The following THPO variants were observed in gnomAD, a reference collection of about 807,000 sequenced individuals.
THPO encodes the protein thrombopoietin.
In THPO, 12 loss-of-function variants were observed where a neutral mutation model predicts 17.0. The ratio of observed to expected loss-of-function variants is 0.71; its 90% CI spans 0.45 to 1.14. The LOEUF is 1.14. Ranked by LOEUF, THPO falls within the 50% of genes most tolerant of loss-of-function variation. The pLI is 0.00. For synonymous variants in THPO, 188 were observed against 183.0 expected (o/e 1.03, Z -0.22); for missense variants, 365 against 427.5 (o/e 0.85, Z 1.29).
chr3:184,375,551 A>G lies in THPO; in HGVS notation c.192T>C (p.Ala64=). 1 of 1,614,210 alleles carries G rather than the reference A, an allele frequency of 6.2e-7. No individual in the cohort carries two copies. The change falls in exon 4 of 6, where the codon GCT becomes GCC. Residue 64 remains alanine, a synonymous_variant. Coordinates refer to ENST00000647395, the MANE Select transcript of THPO (RefSeq NM_000460.4). ...TCCATTCTCCCAAGCTAAAGTCCAC[A>G]GCAGGCAGCAGGACAGGTGTAGGCA... The part of the protein sequence containing the change: ...HPLPTPVLLP[A]VDFSLGEWKT...
At chr3:184,376,493 A>T in intron 1 of THPO, 89 bp from the exon 2 acceptor site, 1 of 1,352,532 alleles carries the variant, frequency 7.4e-7, no homozygotes, top group East Asian at 2.6e-5. Context: ...AGGGCTTGAG[A>T]TGCTGACCAG....
At chr3:184,377,905 C>G (rs1181199221) in intron 1 of THPO, among the ~76,000 whole-genome samples, 170 bp downstream of exon 1, 1 of 152,204 alleles carries the variant, frequency 6.6e-6, no homozygotes, top group Non-Finnish European at 1.5e-5. Context: ...GCACCCCACC[C>G]CCTACCCCTG....
chr3:184,376,071 A>G, intron 2 of THPO, 56 bp from the exon 3 acceptor site: 1 of 1,613,614 alleles, frequency 6.2e-7, no homozygotes, highest in Non-Finnish European at 8.5e-7. Context: ...GTCAGCTGGT[A>G]TTCCAGGAAT....
intron 1 of THPO, among the ~76,000 whole-genome samples, chr3:184,376,845 C>CAA (rs577828569): frequency 0.25 from 32,576 of 131,072 alleles, 4,141 homozygotes; most frequent in Middle Eastern, 0.38. Context: ...AACTCCGTCT[C>CAA]AAAAAAAAAA....
At chr3:184,373,327 C>T (rs1560283292) in intron 5 of THPO, 88 bp downstream of exon 5, 2 of 1,577,824 alleles carry the variant, frequency 1.3e-6, no homozygotes, top group Non-Finnish European at 1.7e-6. Flanking sequence ...CCTTGAGCTC[C>T]CTGGAAGAGC....
At chr3:184,375,280 C>T (rs1714293537) in intron 4 of THPO, among the ~76,000 whole-genome samples, 1 of 152,152 alleles carries the variant, frequency 6.6e-6, no homozygotes, top group Non-Finnish European at 1.5e-5. Flanking sequence ...TGGCCATGAG[C>T]GATTTCTCTC....
At chr3:184,376,643 G>A (rs559366299) in intron 1 of THPO, among the ~76,000 whole-genome samples, 1 of 152,140 alleles carries the variant, frequency 6.6e-6, no homozygotes, top group East Asian at 1.9e-4. Flanking sequence ...TCAGGAGTTC[G>A]CCACCAGCCT....
Position 184,372,502 on chromosome 3 carries a change from G to A in THPO, c.*11C>T. 1 of 1,614,104 alleles carries A rather than the reference G, an allele frequency of 6.2e-7. No individual in the cohort carries two copies. Among genetic ancestry groups the A allele is most frequent in the Non-Finnish European group, 8.5e-7 (1 of 1,179,998 alleles). ...ACGAGACAATGCTGATGTCGGCAGTGTCTGAGAACCTTACCCTTCCTGAGA... is the reference window on the plus strand; with the variant it reads ...ACGAGACAATGCTGATGTCGGCAGTATCTGAGAACCTTACCCTTCCTGAGA... On this transcript the variant is annotated 3_prime_UTR_variant, in exon 6 of 6. Coordinates refer to ENST00000647395, the MANE Select transcript of THPO (RefSeq NM_000460.4).
chr3:184,373,685 G>C (rs1239941999), intron 4 of THPO, 103 bp from the exon 5 acceptor site: 2 of 1,335,002 alleles, frequency 1.5e-6, no homozygotes, highest in African/African-American at 2.9e-5. Flanking sequence ...TACAGGCTGA[G>C]AACTGGACAG....
intron 4 of THPO, among the ~76,000 whole-genome samples, chr3:184,374,893 A>G (rs1006730784): frequency 6.6e-6 from 1 of 152,086 alleles, no homozygotes; most frequent in South Asian, 2.1e-4. Flanking sequence ...GGTTCAAGGG[A>G]TTCTCCTGCT....
chr3:184,373,243 G>A (rs766067380), intron 5 of THPO, 65 bp from the exon 6 acceptor site: 8 of 1,599,284 alleles, frequency 5.0e-6, no homozygotes, highest in Non-Finnish European at 6.8e-6. Flanking sequence ...CCTTGTCTAA[G>A]TAGGAAAGAC....
At chr3:184,376,803 C>G (rs1327115365) in intron 1 of THPO, among the ~76,000 whole-genome samples, 1 of 150,950 alleles carries the variant, frequency 6.6e-6, no homozygotes, top group Non-Finnish European at 1.5e-5. Flanking sequence ...CGAGATCGCA[C>G]CATTGCACTC....
rs1158748595 is a variant in THPO at position 184,373,087 on chromosome 3, A to T, written c.488T>A (p.Leu163Gln). Reference protein sequence around the residue: ...QHLLRGKVRFLMLVGGSTLCV... With the variant: ...QHLLRGKVRFQMLVGGSTLCV... ...GAGGGTGGACCCTCCTACAAGCATC[A>T]GGAAACGCACCTTTCCTCGGAGCAG... Residue 163 changes from leucine to glutamine, a missense_variant, in exon 6 of 6, where the codon CTG becomes CAG. Leu to Gln is a moderately radical substitution (Grantham distance 113, BLOSUM62 -2). Transcript: ENST00000647395. 1 of 1,613,992 alleles carries T rather than the reference A, an allele frequency of 6.2e-7. No homozygotes were observed. Among genetic ancestry groups the T allele is most frequent in the African/African-American group, 1.3e-5 (1 of 75,038 alleles).
At position 184,373,418 on chromosome 3, in the gene THPO, G is replaced by A; in HGVS notation, c.393C>T (p.Thr131=). Residue 131 remains threonine (T), a synonymous_variant, in exon 5 of 6, where the codon ACC becomes ACT. Coordinates refer to ENST00000647395, the MANE Select transcript of THPO (RefSeq NM_000460.4). ...GATCCCTTGACTGGGGACTTACCTG[G>A]GTTCCAAGGAGGCTCTGCAGGGCCC... ...LLGALQSLLG[T]QLPPQGRTTA... The A allele has an allele frequency of 6.2e-7, 1 of 1,613,960 alleles. No individual in the cohort carries two copies. Among genetic ancestry groups the A allele is most frequent in the Non-Finnish European group, 8.5e-7 (1 of 1,179,974 alleles).
chr3:184,375,592 G>T lies in THPO; in HGVS notation c.151C>A (p.Pro51Thr). 6.2e-7 allele frequency: 1 copy of T among 1,614,156 alleles called. No individual in the cohort carries two copies. ...GGTGTAGGCAAAGGGTGAACCTCTG[G>T]GCACTGGCTCTGTTGAAAAAGATTG... ...HVLHSRLSQC[P>T]EVHPLPTPVL... The change falls in exon 4 of 6, where the codon CCA becomes ACA. Residue 51 changes from proline to threonine, a missense_variant. Coordinates refer to ENST00000647395, the MANE Select transcript of THPO (RefSeq NM_000460.4).
chr3:184,372,582 C>T lies in THPO; in HGVS notation c.993G>A (p.Thr331=), dbSNP rs149384875. Reference sequence around the variant, plus strand: ...TTAGAAGAGGGCTGGTAGGGGTGGGCGTTGGAGCAGAAGGGTCAGGAAGCA... The same window carrying T: ...TTAGAAGAGGGCTGGTAGGGGTGGGTGTTGGAGCAGAAGGGTCAGGAAGCA... The part of the protein sequence containing the change: ...HPLLPDPSAP[T]PTPTSPLLNT... The change falls in exon 6 of 6, where the codon ACG becomes ACA. Residue 331 remains threonine, a synonymous_variant. Transcript: ENST00000647395. 38 of 1,613,284 alleles carry T rather than the reference C, an allele frequency of 2.4e-5. 1 individual carries two copies. The East Asian group carries it at 4.2e-4, about 18-fold the overall frequency.
At chr3:184,377,898 C>T (rs1255253860) in intron 1 of THPO, among the ~76,000 whole-genome samples, 177 bp downstream of exon 1, 1 of 152,142 alleles carries the variant, frequency 6.6e-6, no homozygotes, top group East Asian at 1.9e-4. Flanking sequence ...GAAACCAGCA[C>T]CCCACCCCCT....
chr3:184,379,100 C>T (rs1714743034), upstream of THPO, among the ~76,000 whole-genome samples: 1 of 152,184 alleles, frequency 6.6e-6, no homozygotes, highest in Non-Finnish European at 1.5e-5. Flanking sequence ...CTCAGGCTCT[C>T]TCCTGTTCCT....
chr3:184,378,753 T>G, upstream of THPO: 2,402 of 958,524 alleles, frequency 2.5e-3, no homozygotes, highest in Middle Eastern at 4.8e-3. Flanking sequence ...GGGTTAAGCC[T>G]GAGCTTAGGT....
Sources: gnomAD v4.1 joint callset for allele counts (sites outside exome capture counted in the v4.1 genomes callset) on GRCh38, gnomAD v4.1.1 for gene constraint, MANE v1.5 for transcripts, NCBI Gene and HGNC (gene_info 2026-07-23, HGNC 2026-07-21) for gene names.